The following NTM variants were observed in gnomAD, a reference collection of about 807,000 sequenced individuals.
NTM encodes the protein neurotrimin.
In NTM, 13 loss-of-function variants were observed where a neutral mutation model predicts 42.1. That is an observed-to-expected ratio of 0.31 (90% CI 0.20 to 0.49). The LOEUF (loss-of-function observed/expected upper bound fraction) is 0.49, where lower values mean the gene tolerates loss of function less well. Among genes scored for constraint, NTM ranks in the 20% least tolerant of loss-of-function variants. The pLI is 0.99. For synonymous variants in NTM, 187 were observed against 179.2 expected (o/e 1.04, Z -0.35); for missense variants, 373 against 452.8 (o/e 0.82, Z 1.60).
chr11:131,556,004 G>A (rs1316595148), intron 1 of NTM, among the ~76,000 whole-genome samples: 1 of 152,200 alleles, frequency 6.6e-6, no homozygotes, highest in African/African-American at 2.4e-5. Context: ...AGGGAACAGA[G>A]TCAATGGAAA....
intron 1 of NTM, among the ~76,000 whole-genome samples, chr11:131,783,581 T>A (rs189582627): frequency 6.6e-6 from 1 of 152,198 alleles, no homozygotes; most frequent in African/African-American, 2.4e-5. Flanking sequence ...AAAAACTGAA[T>A]ATTTATATGG....
chr11:132,298,450 G>C (rs1016861261), intron 4 of NTM, among the ~76,000 whole-genome samples: 5 of 152,102 alleles, frequency 3.3e-5, no homozygotes, highest in Admixed American at 2.0e-4. Context: ...ACGCGTAATA[G>C]AGGGTCTGCA....
chr11:131,830,121 C>G (rs2042632873), intron 1 of NTM, among the ~76,000 whole-genome samples: 1 of 152,124 alleles, frequency 6.6e-6, no homozygotes, highest in African/African-American at 2.4e-5. Context: ...TTCTCCCAGT[C>G]TATAGATTGT....
At chr11:132,084,524 T>C (rs2059465571) in intron 2 of NTM, among the ~76,000 whole-genome samples, 1 of 151,906 alleles carries the variant, frequency 6.6e-6, no homozygotes, top group Non-Finnish European at 1.5e-5. Flanking sequence ...AAAGAGAGAG[T>C]TCAAGAAAGA....
At chr11:131,610,435 A>G (rs2061375352) in intron 1 of NTM, among the ~76,000 whole-genome samples, 1 of 152,250 alleles carries the variant, frequency 6.6e-6, no homozygotes, top group Non-Finnish European at 1.5e-5. Flanking sequence ...AAATAAGTGC[A>G]GAATTCTTCT....
chr11:131,592,815 C>T, intron 1 of NTM, among the ~76,000 whole-genome samples: 1 of 152,140 alleles, frequency 6.6e-6, no homozygotes, highest in East Asian at 1.9e-4. Context: ...TCCCCCAGGT[C>T]CCCTCTCCCT....
chr11:132,266,691 T>C (rs2093201854), intron 4 of NTM, among the ~76,000 whole-genome samples: 1 of 152,222 alleles, frequency 6.6e-6, no homozygotes, highest in African/African-American at 2.4e-5. Context: ...GTGCCCTAGA[T>C]CTTTCTGAAG....
At chr11:132,018,031 A>G (rs1013327987) in intron 2 of NTM, among the ~76,000 whole-genome samples, 1 of 151,808 alleles carries the variant, frequency 6.6e-6, no homozygotes, top group Non-Finnish European at 1.5e-5. Flanking sequence ...ACTCTTTAGA[A>G]TTTTCCATAT....
At chr11:131,918,711 G>A (rs1282851108) in intron 2 of NTM, among the ~76,000 whole-genome samples, 1 of 152,056 alleles carries the variant, frequency 6.6e-6, no homozygotes, top group Admixed American at 6.6e-5. Context: ...AGTGAGTTTG[G>A]TTGTCCCTCC....
In NTM at chr11:132,113,727, C is replaced by A. The variant is rs545305548; in HGVS notation, c.168-32555C>A. ...ATGATTGAGAGGCAGTAAATATAGA[C>A]CCCCAAAGTCACCTTAGCAGTCTCT... is the stretch of plus-strand genomic sequence containing the variant. On this transcript the variant is annotated intron_variant, in intron 2 of 8. Coordinates refer to ENST00000683400, the MANE Select transcript of NTM (RefSeq NM_001352005.2). Among the ~76,000 whole-genome samples the A allele has an allele frequency of 2.6e-5, 4 of 152,266 alleles. No homozygotes were observed. The East Asian group carries it at 5.8e-4, about 22-fold the overall frequency.
At chr11:131,702,859 A>ATAT (rs1412508012) in intron 1 of NTM, among the ~76,000 whole-genome samples, 12 of 152,216 alleles carry the variant, frequency 7.9e-5, no homozygotes, top group African/African-American at 2.7e-4. Context: ...GCAATAATAT[A>ATAT]AACGGTGAGT....
chr11:131,981,500 A>G (rs2065230371), intron 2 of NTM: 1 of 152,164 alleles, frequency 6.6e-6, no homozygotes, highest in Middle Eastern at 3.1e-3. Context: ...GAAGCTGTTA[A>G]GTGATTAAAA....
chr11:131,869,518 T>A (rs1209695153), intron 1 of NTM, among the ~76,000 whole-genome samples: 1 of 152,232 alleles, frequency 6.6e-6, no homozygotes, highest in East Asian at 1.9e-4. Flanking sequence ...TCCTTGCTCA[T>A]CTTTTGTCCC....
intron 1 of NTM, among the ~76,000 whole-genome samples, chr11:131,787,384 A>ATTATTATTATT (rs2089432280): frequency 1.2e-5 from 1 of 80,298 alleles, no homozygotes; most frequent in South Asian, 4.1e-4. Context: ...TTATTATTTT[A>ATTATTATTATT]TTTTTATTTT....
chr11:132,003,732 C>T lies in NTM; in HGVS notation c.167+92084C>T, dbSNP rs1003259129. On this transcript the variant is annotated intron_variant, in intron 2 of 8. Coordinates refer to ENST00000683400, the MANE Select transcript of NTM (RefSeq NM_001352005.2). This position sits in a 1 kb window ranked among gnomAD's most constrained non-coding sequence, Gnocchi z 6.0. ...GCCCACTCTTTCCCATGGTACAAAA[C>T]CCTCCTTAATTGCCTCCTTGGAATC... Among the ~76,000 whole-genome samples the T allele has an allele frequency of 1.3e-5, 2 of 150,626 alleles. No homozygotes were observed. The highest frequency in any genetic ancestry group is 1.3e-4 in the Admixed American group (2 of 15,158).
intron 1 of NTM, among the ~76,000 whole-genome samples, chr11:131,884,627 G>A (rs77945759): frequency 0.025 from 3,741 of 152,060 alleles, 129 homozygotes; most frequent in African/African-American, 0.082. Flanking sequence ...AACAATCCTT[G>A]GGTCTAGCAC....
intron 1 of NTM, among the ~76,000 whole-genome samples, chr11:131,611,268 G>A (rs1408163756): frequency 3.9e-5 from 6 of 152,192 alleles, no homozygotes; most frequent in Non-Finnish European, 8.8e-5. Flanking sequence ...TCTTAAACTT[G>A]TTAAGTATGA....
chr11:131,974,827 TA>T (rs1455686352), intron 2 of NTM, among the ~76,000 whole-genome samples: 1 of 152,198 alleles, frequency 6.6e-6, no homozygotes, highest in Non-Finnish European at 1.5e-5. Flanking sequence ...CTAGTGTTTT[TA>T]CAGTCTGACC....
At chr11:132,010,462 C>G (rs2071888708) in intron 2 of NTM, among the ~76,000 whole-genome samples, 2 of 152,192 alleles carry the variant, frequency 1.3e-5, no homozygotes, top group Admixed American at 1.3e-4. Context: ...AGTCTCCAGT[C>G]TGCTCGGACC....
Sources: allele counts gnomAD v4.1 joint callset (sites outside exome capture counted in the v4.1 genomes callset), GRCh38; gene constraint gnomAD v4.1.1; non-coding constraint Gnocchi (gnomAD v3.1); transcripts MANE v1.5; gene names NCBI Gene and HGNC (gene_info 2026-07-23, HGNC 2026-07-21).